The following VWA3A variants were observed in gnomAD, a reference collection of about 807,000 sequenced individuals.
VWA3A encodes von Willebrand factor A domain containing 3A, also known as von Willebrand factor A domain-containing protein 3A.
VWA3A carries 134 observed loss-of-function variants against 160.4 expected under a neutral mutation model. The observed-to-expected ratio is 0.84, with a 90% CI of 0.73 to 0.96. VWA3A has a LOEUF of 0.96. Ranked by LOEUF, VWA3A falls within the 40% of genes least tolerant of loss-of-function variation. VWA3A has a pLI of 0.00. For synonymous variants in VWA3A, 476 were observed against 543.4 expected, an observed-to-expected ratio of 0.88 and a Z score of 1.72; for missense variants, 1,310 against 1,447.9, an observed-to-expected ratio of 0.90 and a Z score of 1.55.
chr16:22,105,220 C>T (rs1259881355), intron 6 of VWA3A, among the ~76,000 whole-genome samples: 3 of 152,198 alleles, frequency 2.0e-5, no homozygotes, highest in Admixed American at 2.0e-4. Flanking sequence ...ACCCCCCGAC[C>T]TCCACTACCC....
Position 22,156,877 on chromosome 16 carries a change from T to C in VWA3A, c.*860T>C, listed in dbSNP as rs890369473. 6.6e-6 allele frequency: 1 copy of C among 152,208 alleles called. No homozygotes were observed. The highest frequency in any genetic ancestry group is 2.4e-5 in the African/African-American group (1 of 41,452). 9.4% of individuals were successfully genotyped at this position (152,208 alleles called of 1,614,324 possible). ...TGACTTTAACTGTTTGAAGTGATCA[T>C]TGGCGTGTGTGTGTGTGCATAAATT... On this transcript the variant is annotated 3_prime_UTR_variant, in exon 34 of 34. Coordinates refer to ENST00000389398, the MANE Select transcript of VWA3A (RefSeq NM_173615.5).
rs1555458652 is a variant in VWA3A, at chr16:22,129,402, A to AAAAGAAAG, written c.1653-1785_1653-1778dup. On this transcript the variant is annotated intron_variant, in intron 17 of 33. Coordinates refer to ENST00000389398, the MANE Select transcript of VWA3A (RefSeq NM_173615.5). The stretch of plus-strand genomic sequence containing the variant: ...AGACTCCATCTCAAAAAAAAAAAAA[A>AAAAGAAAG]AAAGAAAGAAAGAAAGAAAGAAAGA... 9.2e-4 allele frequency among the ~76,000 whole-genome samples: 109 copies of AAAAGAAAG among 118,946 alleles called. 1 individual carries two copies. The highest frequency in any genetic ancestry group is 3.8e-3 in the South Asian group (12 of 3,176). The allele number at this position is 118,946 out of a possible 152,430, so 78.0% of individuals were successfully genotyped here.
chr16:22,135,995 T>G (rs1206410364), intron 21 of VWA3A, among the ~76,000 whole-genome samples: 3 of 152,096 alleles, frequency 2.0e-5, no homozygotes, highest in African/African-American at 7.2e-5. Flanking sequence ...TTCACCATGT[T>G]GGCCAGGCTG....
chr16:22,124,539 T>C (rs1010535671), intron 16 of VWA3A, among the ~76,000 whole-genome samples: 22 of 117,212 alleles, frequency 1.9e-4, no homozygotes, highest in African/African-American at 8.0e-4. Context: ...TCTATTATTA[T>C]TATTATTATT....
Position 22,100,469 on chromosome 16 carries a change from G to A in VWA3A, c.404G>A (p.Arg135His), listed in dbSNP as rs377575921. 82 of 1,551,384 alleles carry A rather than the reference G, an allele frequency of 5.3e-5. No individual in the cohort carries two copies. Among genetic ancestry groups the A allele is most frequent in the Middle Eastern group, 1.7e-4 (1 of 6,012 alleles). ...QKICFSTQII[R>H]HFESKLSDTI... ...ATATGTTTCTCCACCCAGATCATCC[G>A]CCATTTTGAGTCAAAGCTTTCTGAG... The change falls in exon 5 of 34, where the codon CGC (arginine) becomes CAC (histidine). Residue 135 changes from arginine to histidine, a missense_variant. Arg to His is a conservative substitution (Grantham distance 29, BLOSUM62 0). Coordinates refer to ENST00000389398, the MANE Select transcript of VWA3A (RefSeq NM_173615.5).
At chr16:22,153,395 G>C (rs948688669) in intron 31 of VWA3A, among the ~76,000 whole-genome samples, 1 of 152,138 alleles carries the variant, frequency 6.6e-6, no homozygotes, top group African/African-American at 2.4e-5. Flanking sequence ...GGTATAGCTA[G>C]AGCCCCAAGA....
chr16:22,124,530 CTATTAT>C (rs10564178), intron 16 of VWA3A, among the ~76,000 whole-genome samples: 14,515 of 141,072 alleles, frequency 0.1, 1,460 homozygotes, highest in African/African-American at 0.27. Context: ...TACTATACAT[CTATTAT>C]TATTATTATT....
At position 22,152,553 on chromosome 16, in the gene VWA3A, C is replaced by T. The variant is rs939721636; in HGVS notation, c.3324C>T (p.Gly1108=). The T allele has an allele frequency of 3.6e-5, 58 of 1,612,430 alleles. No homozygotes were observed. Among genetic ancestry groups the T allele is most frequent in the African/African-American group, 9.3e-5 (7 of 74,874 alleles). Residue 1108 remains glycine (G), a synonymous_variant, in exon 31 of 34, where the codon GGC becomes GGT. Coordinates refer to ENST00000389398, the MANE Select transcript of VWA3A (RefSeq NM_173615.5). Reference sequence around the variant, plus strand: ...TGAGAAAGCTGGCTTCCTTCACCGGCGGACGCTATCACTGCCCTGTGGGTG... The same window carrying T: ...TGAGAAAGCTGGCTTCCTTCACCGGTGGACGCTATCACTGCCCTGTGGGTG... ...EFLRKLASFT[G]GRYHCPVGED...
chr16:22,095,621 GA>G (rs1280435546), intron 1 of VWA3A, among the ~76,000 whole-genome samples: 7 of 152,152 alleles, frequency 4.6e-5, no homozygotes, highest in African/African-American at 1.7e-4. Flanking sequence ...GCAGTGGCAT[GA>G]TCATAGCTCA....
intron 8 of VWA3A, among the ~76,000 whole-genome samples, chr16:22,113,045 G>A (rs2045573705): frequency 6.6e-6 from 1 of 152,250 alleles, no homozygotes. Flanking sequence ...TTTAGGTGGA[G>A]CAGTGACACC....
chr16:22,155,452 T>C (rs1307709708), intron 31 of VWA3A, 115 bp from the exon 32 acceptor site: 1 of 882,196 alleles, frequency 1.1e-6, no homozygotes, highest in Admixed American at 2.0e-5. Flanking sequence ...GCTCACAAGA[T>C]TTCCTGCACT....
intron 5 of VWA3A, among the ~76,000 whole-genome samples, chr16:22,102,551 C>A (rs1462822108): frequency 6.6e-6 from 1 of 152,072 alleles, no homozygotes; most frequent in East Asian, 1.9e-4. Flanking sequence ...CTAGTCCTTA[C>A]CTTGTGCATA....
chr16:22,148,237 C>T lies in VWA3A; in HGVS notation c.2915C>T (p.Pro972Leu). Residue 972 changes from proline (P) to leucine (L), a missense_variant, in exon 28 of 34, where the codon CCC (proline) becomes CTC (leucine). By Grantham distance (98) the Pro-to-Leu change is moderately conservative. Coordinates refer to ENST00000389398, the MANE Select transcript of VWA3A (RefSeq NM_173615.5). ...ILLDTSGSMG[P>L]YLQQVKTELV... The stretch of plus-strand genomic sequence containing the variant: ...CTGGACACGTCAGGGTCCATGGGCC[C>T]CTACCTGCAGCAGGTGAAGACAGAG... 6.3e-7 allele frequency: 1 copy of T among 1,599,322 alleles called. No homozygotes were observed. The highest frequency in any genetic ancestry group is 8.5e-7 in the Non-Finnish European group (1 of 1,173,324).
At position 22,109,552 on chromosome 16, in the gene VWA3A, A is replaced by T; in HGVS notation, c.554A>T (p.Gln185Leu). 1.2e-6 allele frequency: 2 copies of T among 1,613,746 alleles called. No homozygotes were observed. Among genetic ancestry groups the T allele is most frequent in the Non-Finnish European group, 1.7e-6 (2 of 1,179,858 alleles). The change falls in exon 7 of 34, where the codon CAG becomes CTG. Residue 185 changes from glutamine (Q) to leucine (L), a missense_variant. Gln to Leu is a moderately radical substitution (Grantham distance 113). Transcript: ENST00000389398. The stretch of plus-strand genomic sequence containing the variant: ...GTGTCAGCCATCAGCAGTGGCCCTC[A>T]GAAAGAAGAGTTCCAAAAGGACCTC... The part of the protein sequence containing the change: ...IDVSAISSGP[Q>L]KEEFQKDLMS...
chr16:22,122,030 A>C (rs2045744199), intron 14 of VWA3A, among the ~76,000 whole-genome samples: 1 of 152,162 alleles, frequency 6.6e-6, no homozygotes, highest in Non-Finnish European at 1.5e-5. Flanking sequence ...TCTATCCTCC[A>C]TGTTTAGTAT....
At chr16:22,126,085 C>T in intron 16 of VWA3A, 93 bp from the exon 17 acceptor site, 2 of 1,549,704 alleles carry the variant, frequency 1.3e-6, no homozygotes, top group Non-Finnish European at 1.7e-6. Flanking sequence ...ATGCAAAATT[C>T]CCCTGGAAAA....
At chr16:22,092,761 T>G (rs1322299902) in intron 1 of VWA3A, 110 bp downstream of exon 1, 37 of 1,366,346 alleles carry the variant, frequency 2.7e-5, no homozygotes, top group Non-Finnish European at 3.7e-5. Context: ...GGGTGTGAAG[T>G]GTCCACTCCC....
At chr16:22,148,738 T>A (rs1425640828) in intron 28 of VWA3A, among the ~76,000 whole-genome samples, 2 of 151,966 alleles carry the variant, frequency 1.3e-5, no homozygotes, top group Non-Finnish European at 2.9e-5. Flanking sequence ...ACCAGTGCAC[T>A]CCTGCCTGGG....
At chr16:22,147,790 A>G (rs1312105592) in intron 27 of VWA3A, 1 of 650,426 alleles carries the variant, frequency 1.5e-6, no homozygotes, top group Non-Finnish European at 2.8e-6. Context: ...CTCACATACC[A>G]GTACACACCC....
Sources: allele counts gnomAD v4.1 joint callset (sites outside exome capture counted in the v4.1 genomes callset), GRCh38; gene constraint gnomAD v4.1.1; transcripts MANE v1.5; gene names NCBI Gene and HGNC (gene_info 2026-07-23, HGNC 2026-07-21).